ARHGAP12: variants seen among roughly 807,000 people sequenced by gnomAD.
ARHGAP12 encodes Rho GTPase activating protein 12, also known as rho GTPase-activating protein 12.
A neutral mutation model predicts 108.6 loss-of-function variants in ARHGAP12; 64 were observed. That is an observed-to-expected ratio of 0.59 (90% CI 0.48 to 0.73). ARHGAP12 has a LOEUF of 0.73. Ranked by LOEUF, ARHGAP12 falls within the 30% of genes least tolerant of loss-of-function variation. The pLI is 0.00. For missense variants in ARHGAP12, 940 were observed against 1,005.9 expected (o/e 0.93, Z 0.89); for synonymous variants, 312 against 337.2 (o/e 0.93, Z 0.82).
chr10:31,860,338 T>C (rs531933534), intron 4 of ARHGAP12, among the ~76,000 whole-genome samples: 14 of 152,334 alleles, frequency 9.2e-5, no homozygotes, highest in African/African-American at 3.4e-4. Flanking sequence ...GGATGTCCTA[T>C]GCAGGTGGAG....
At chr10:31,809,201 C>T (rs754118008) in intron 17 of ARHGAP12, 29 bp downstream of exon 17, 4 of 1,613,396 alleles carry the variant, frequency 2.5e-6, no homozygotes, top group Non-Finnish European at 3.4e-6. Context: ...AGTGATGCAT[C>T]TGAATAACAA....
intron 3 of ARHGAP12, among the ~76,000 whole-genome samples, chr10:31,875,758 G>A (rs762230935): frequency 3.9e-5 from 6 of 151,982 alleles, no homozygotes; most frequent in East Asian, 1.9e-4. Context: ...TTCCCACTAC[G>A]GTGCAACCAT....
intron 18 of ARHGAP12, 58 bp from the exon 19 acceptor site, chr10:31,808,809 T>A: frequency 6.4e-7 from 1 of 1,551,984 alleles, no homozygotes; most frequent in Non-Finnish European, 8.9e-7. Flanking sequence ...CTGAAAGCAA[T>A]GTCACAGTTT....
intron 4 of ARHGAP12, among the ~76,000 whole-genome samples, chr10:31,860,969 C>G (rs141149135): frequency 6.6e-6 from 1 of 152,150 alleles, no homozygotes; most frequent in Non-Finnish European, 1.5e-5. Flanking sequence ...GTGGGAGGAT[C>G]GCTTAAGCCC....
intron 3 of ARHGAP12, among the ~76,000 whole-genome samples, chr10:31,890,103 A>G (rs1838358260): frequency 6.6e-6 from 1 of 152,144 alleles, no homozygotes; most frequent in African/African-American, 2.4e-5. Context: ...ATTTCATTTA[A>G]ACCTAATGAC....
At chr10:31,817,909 A>G in intron 12 of ARHGAP12, 23 bp from the exon 13 acceptor site, 5 of 1,578,868 alleles carry the variant, frequency 3.2e-6, no homozygotes, top group Non-Finnish European at 4.3e-6. Flanking sequence ...GCAGGGAGAA[A>G]AAAGAGTATG....
In ARHGAP12 at chr10:31,831,753, AT is replaced by A; in HGVS notation, c.1433del (p.Asn478MetfsTer68). On this transcript the variant is annotated frameshift_variant, in exon 10 of 20. Transcript: ENST00000344936. LOFTEE classifies it high-confidence loss of function. The stretch of plus-strand genomic sequence containing the variant: ...TGTGTACTTACCGAACCTTTTTCCC[AT>A]TTTCAGCAATTTTTGTTACATTTAA... ...GLLNVTKIAE[N>X]GKKVRKNWLS... 2 of 1,578,356 alleles carry A rather than the reference AT, an allele frequency of 1.3e-6. No individual in the cohort carries two copies. Among genetic ancestry groups the A allele is most frequent in the Non-Finnish European group, 8.7e-7 (1 of 1,150,806 alleles).
At chr10:31,827,275 A>G (rs1472655741) in intron 10 of ARHGAP12, among the ~76,000 whole-genome samples, 2 of 152,238 alleles carry the variant, frequency 1.3e-5, no homozygotes, top group Admixed American at 1.3e-4. Flanking sequence ...ATTGTAAATT[A>G]TTTGAAAAAA....
At chr10:31,892,687 A>T (rs1350409412) in intron 3 of ARHGAP12, among the ~76,000 whole-genome samples, 1 of 152,222 alleles carries the variant, frequency 6.6e-6, no homozygotes, top group Non-Finnish European at 1.5e-5. Flanking sequence ...AACGTTAGAC[A>T]GATCCATGAG....
chr10:31,873,991 CT>C (rs769659896), intron 3 of ARHGAP12, among the ~76,000 whole-genome samples: 8 of 152,172 alleles, frequency 5.3e-5, no homozygotes, highest in Non-Finnish European at 1.2e-4. Context: ...AATGGTAACT[CT>C]ATCATCAGCA....
chr10:31,854,116 A>G lies in ARHGAP12; in HGVS notation c.1039T>C (p.Leu347=), dbSNP rs41289019. The G allele has an allele frequency of 0.023, 36,628 of 1,613,736 alleles. 539 individuals carry two copies. Among genetic ancestry groups the G allele is most frequent in the Non-Finnish European group, 0.026 (30,841 of 1,179,818 alleles). Residue 347 remains leucine, a synonymous_variant, in exon 5 of 20, where the codon TTG becomes CTG. Coordinates refer to ENST00000344936, the MANE Select transcript of ARHGAP12 (RefSeq NM_018287.7). ...TATAAGGTATGCCCACGTTCATCCAACTCTTCTGACCAACCCCTTGGAGGA... is the reference window on the plus strand; with the variant it reads ...TATAAGGTATGCCCACGTTCATCCAGCTCTTCTGACCAACCCCTTGGAGGA... ...GSPPRGWSEE[L]DERGHTLYTS... is the part of the protein sequence containing the mutation.
In ARHGAP12 at chr10:31,877,020, G is replaced by T. The variant is rs760417753; in HGVS notation, c.685-15362C>A. ...CCAAGATCACTTGAGACATGTGTCA[G>T]CTCCTTTTGGTCCCAAATGCTTGTT... On this transcript the variant is annotated intron_variant, in intron 3 of 19. Transcript: ENST00000344936. 4.6e-5 allele frequency among the ~76,000 whole-genome samples: 7 copies of T among 152,282 alleles called. No individual in the cohort carries two copies. The South Asian group carries it at 1.2e-3, about 27-fold the overall frequency.
At chr10:31,818,547 A>C (rs1326344842) in intron 12 of ARHGAP12, among the ~76,000 whole-genome samples, 2 of 152,198 alleles carry the variant, frequency 1.3e-5, no homozygotes, top group African/African-American at 4.8e-5. Flanking sequence ...GAATTTTGAC[A>C]CATTTGTGGA....
In ARHGAP12 at chr10:31,870,915, A is replaced by G. The variant is rs1241469578; in HGVS notation, c.685-9257T>C. 2.6e-5 allele frequency among the ~76,000 whole-genome samples: 4 copies of G among 152,224 alleles called. No individual in the cohort carries two copies. The East Asian group carries it at 7.7e-4, about 29-fold the overall frequency. ...GGTTTACTTACTTAACTAACATTTA[A>G]GTACTAATTATGAGCTAGGCAGTAG... is the stretch of plus-strand genomic sequence containing the variant. On this transcript the variant is annotated intron_variant, in intron 3 of 19. Coordinates refer to ENST00000344936, the MANE Select transcript of ARHGAP12 (RefSeq NM_018287.7).
Position 31,851,957 on chromosome 10 carries a change from T to G in ARHGAP12, c.1170+560A>C, listed in dbSNP as rs544743629. Among the ~76,000 whole-genome samples the G allele has an allele frequency of 5.3e-5, 8 of 152,274 alleles. No homozygotes were observed. In the South Asian group the frequency reaches 1.0e-3, roughly 20 times the overall value. On this transcript the variant is annotated intron_variant, in intron 6 of 19. Coordinates refer to ENST00000344936, the MANE Select transcript of ARHGAP12 (RefSeq NM_018287.7). ...CACTTAAAATTATCTCAAGCACCAA[T>G]AGTGATATGCATATGGCCACTTTGA... is the stretch of plus-strand genomic sequence containing the variant.
chr10:31,821,619 A>G (rs1835421123), intron 11 of ARHGAP12, among the ~76,000 whole-genome samples: 1 of 152,212 alleles, frequency 6.6e-6, no homozygotes, highest in Non-Finnish European at 1.5e-5. Context: ...AACTCTATTC[A>G]GGAGCTTCAC....
chr10:31,853,778 T>C lies in ARHGAP12; in HGVS notation c.1089+288A>G, dbSNP rs565909618. ...CCAAAAAACTATTCCCTCAGAAAAA[T>C]ATAAAGAAATATGCCTACTGAAGAA... On this transcript the variant is annotated intron_variant, in intron 5 of 19. Coordinates refer to ENST00000344936, the MANE Select transcript of ARHGAP12 (RefSeq NM_018287.7). Among the ~76,000 whole-genome samples the C allele has an allele frequency of 7.9e-5, 12 of 152,016 alleles. No individual in the cohort carries two copies. In the South Asian group the frequency reaches 2.5e-3, roughly 32 times the overall value.
chr10:31,814,434 C>A, intron 13 of ARHGAP12, 73 bp from the exon 14 acceptor site: 1 of 1,213,702 alleles, frequency 8.2e-7, no homozygotes, highest in Non-Finnish European at 1.2e-6. Flanking sequence ...ATAATTCTCA[C>A]AATGACTATT....
intron 3 of ARHGAP12, among the ~76,000 whole-genome samples, chr10:31,905,894 A>G (rs1839116397): frequency 7.0e-6 from 1 of 143,292 alleles, no homozygotes; most frequent in Non-Finnish European, 1.5e-5. Context: ...ATTTTATGGC[A>G]TACTTATTGT....
Sources: allele counts gnomAD v4.1 joint callset (sites outside exome capture counted in the v4.1 genomes callset), GRCh38; gene constraint gnomAD v4.1.1; transcripts MANE v1.5; gene names NCBI Gene and HGNC (gene_info 2026-07-23, HGNC 2026-07-21).